PTPN22: variants seen among roughly 807,000 people sequenced by gnomAD.
PTPN22 encodes the protein protein tyrosine phosphatase non-receptor type 22, also known as tyrosine-protein phosphatase non-receptor type 22.
Under a neutral mutation model 103.3 loss-of-function variants are expected in PTPN22, and 85 were observed. That is an observed-to-expected ratio of 0.82 (90% confidence interval 0.69 to 0.99). The LOEUF (loss-of-function observed/expected upper bound fraction) is 0.99. PTPN22 is among the 50% of genes least tolerant of loss of function. The pLI, the probability that PTPN22 is intolerant of heterozygous loss-of-function variation, is 0.00. For synonymous variants in PTPN22, 323 were observed against 310.2 expected (o/e 1.04, Z -0.43); for missense variants, 865 against 936.9 (o/e 0.92, Z 1.00).
At chr1:113,871,023 A>G (rs1171148626) in intron 1 of PTPN22, among the ~76,000 whole-genome samples, 1 of 152,124 alleles carries the variant, frequency 6.6e-6, no homozygotes, top group African/African-American at 2.4e-5. Context: ...ACAGAGTAAG[A>G]TTCTGAATCT....
chr1:113,838,307 C>G, exon 13 of PTPN22: 1 of 1,612,952 alleles, frequency 6.2e-7, no homozygotes, highest in Non-Finnish European at 8.5e-7. Flanking sequence ...ACTAGCTCTT[C>G]TTTTGCACTT....
At chr1:113,868,772 G>A (rs541478277) in intron 1 of PTPN22, among the ~76,000 whole-genome samples, 4 of 152,190 alleles carry the variant, frequency 2.6e-5, no homozygotes, top group East Asian at 3.9e-4. Flanking sequence ...ATGGGTCTTC[G>A]GGGGTCTGAC....
chr1:113,814,896 G>A (rs1200632897), exon 21 of PTPN22: 1 of 1,581,304 alleles, frequency 6.3e-7, no homozygotes, highest in Admixed American at 1.7e-5. Flanking sequence ...TTATAAATCT[G>A]GAGTTTTATT....
intron 1 of PTPN22, among the ~76,000 whole-genome samples, chr1:113,862,215 A>G (rs993762837): frequency 4.6e-5 from 7 of 152,144 alleles, no homozygotes. Context: ...CCTGGAAGGC[A>G]GAGATTGCAG....
At position 113,822,773 on chromosome 1, in the gene PTPN22, A is replaced by G. The variant is rs145975020; in HGVS notation, c.2281+2369T>C. On this transcript the variant is annotated intron_variant, in intron 19 of 20. Coordinates refer to ENST00000359785, the Ensembl canonical transcript of PTPN22. ...TCAGGAGATCAAGACCATCCTGGCC[A>G]ACACGGTGAAACCTTGTCTCTACTA... 8.0e-3 allele frequency among the ~76,000 whole-genome samples: 1,214 copies of G among 152,304 alleles called. 11 individuals are homozygous for G. The highest frequency in any genetic ancestry group is 0.017 in the Middle Eastern group (5 of 294).
intron 13 of PTPN22, among the ~76,000 whole-genome samples, chr1:113,835,467 G>A (rs1220965220): frequency 6.6e-6 from 1 of 152,082 alleles, no homozygotes. Context: ...GCAGTGAGCC[G>A]AGATTGCACC....
chr1:113,846,249 A>G (rs1664039293), intron 11 of PTPN22, among the ~76,000 whole-genome samples: 1 of 151,686 alleles, frequency 6.6e-6, no homozygotes, highest in South Asian at 2.1e-4. Flanking sequence ...TGCATTTTTT[A>G]GAATTCCATT....
chr1:113,842,873 G>A (rs1365188936), intron 11 of PTPN22, among the ~76,000 whole-genome samples: 3 of 150,336 alleles, frequency 2.0e-5, no homozygotes, highest in Non-Finnish European at 4.4e-5. Flanking sequence ...AGGCCGAGGC[G>A]GGCGGATCAC....
intron 16 of PTPN22, among the ~76,000 whole-genome samples, chr1:113,831,681 T>C (rs1662563170): frequency 6.6e-6 from 1 of 152,200 alleles, no homozygotes; most frequent in Non-Finnish European, 1.5e-5. Context: ...TCTCTCTGTC[T>C]ATACAAATTA....
intron 20 of PTPN22, among the ~76,000 whole-genome samples, chr1:113,818,919 C>T (rs984579666): frequency 6.6e-6 from 1 of 151,908 alleles, no homozygotes; most frequent in African/African-American, 2.4e-5. Context: ...TGGCAGTTCT[C>T]AAAGTGTGAT....
chr1:113,817,023 T>C (rs1359257708), intron 20 of PTPN22, among the ~76,000 whole-genome samples: 1 of 151,866 alleles, frequency 6.6e-6, no homozygotes, highest in Non-Finnish European at 1.5e-5. Flanking sequence ...AATTTGTTAA[T>C]GGTGATGATA....
intron 9 of PTPN22, among the ~76,000 whole-genome samples, chr1:113,854,027 G>A (rs1015962512): frequency 4.6e-5 from 7 of 151,688 alleles, no homozygotes; most frequent in Non-Finnish European, 7.4e-5. Flanking sequence ...CACCATGCCC[G>A]GCTAATTTTT....
chr1:113,838,209 C>T lies in PTPN22; in HGVS notation c.1191G>A (p.Trp397Ter). 4 of 1,614,030 alleles carry T rather than the reference C, an allele frequency of 2.5e-6. No individual in the cohort carries two copies. The highest frequency in any genetic ancestry group is 3.4e-6 in the Non-Finnish European group (4 of 1,179,986). The stretch of plus-strand genomic sequence containing the variant: ...CAACTATTGGAAATGCCTTTGTCTG[C>T]CATTTCATGGTTGTGTCAGCATTTT... Residue 397 changes from tryptophan (W) to a stop codon, truncating the protein, a stop_gained, in exon 13 of 21, where the codon TGG (tryptophan) becomes TGA (stop). Coordinates refer to ENST00000359785, the Ensembl canonical transcript of PTPN22. LOFTEE classifies it high-confidence loss of function.
chr1:113,834,029 T>C (rs77162890), intron 15 of PTPN22, among the ~76,000 whole-genome samples: 1 of 152,338 alleles, frequency 6.6e-6, no homozygotes, highest in Non-Finnish European at 1.5e-5. Context: ...CACTTGAAAT[T>C]CTTTATCTTT....
chr1:113,822,690 A>G (rs182886102), intron 19 of PTPN22, among the ~76,000 whole-genome samples: 1 of 152,252 alleles, frequency 6.6e-6, no homozygotes, highest in Admixed American at 6.5e-5. Flanking sequence ...GGCCGGGCAC[A>G]GTGGCTCACA....
intron 9 of PTPN22, among the ~76,000 whole-genome samples, chr1:113,852,860 C>T (rs1435828142): frequency 6.6e-6 from 1 of 152,222 alleles, no homozygotes; most frequent in Non-Finnish European, 1.5e-5. Flanking sequence ...CAAGAACTAA[C>T]AGAAATCATA....
intron 15 of PTPN22, among the ~76,000 whole-genome samples, chr1:113,833,865 C>T (rs1571369918): frequency 6.6e-6 from 1 of 152,186 alleles, no homozygotes; most frequent in Non-Finnish European, 1.5e-5. Flanking sequence ...TCACAGCAAA[C>T]ATGATATAGC....
At chr1:113,827,312 TC>T (rs1662167874) in intron 18 of PTPN22, among the ~76,000 whole-genome samples, 1 of 152,192 alleles carries the variant, frequency 6.6e-6, no homozygotes, top group South Asian at 2.1e-4. Flanking sequence ...CCCATCCTTG[TC>T]TTCAATCTAC....
intron 10 of PTPN22, among the ~76,000 whole-genome samples, chr1:113,850,179 A>G (rs1664437431): frequency 6.8e-6 from 1 of 147,494 alleles, no homozygotes; most frequent in Non-Finnish European, 1.5e-5. Flanking sequence ...CCTGAGTGAC[A>G]GTGTGAAACT....
Sources: gnomAD v4.1 joint callset for allele counts (sites outside exome capture counted in the v4.1 genomes callset) on GRCh38, gnomAD v4.1.1 for gene constraint, MANE v1.5 for transcripts, NCBI Gene and HGNC (gene_info 2026-07-23, HGNC 2026-07-21) for gene names.